The following GRAMD1B variants were observed in gnomAD, a reference collection of about 807,000 sequenced individuals.
GRAMD1B encodes protein Aster-B.
In GRAMD1B, 37 loss-of-function variants were observed where a neutral mutation model predicts 99.7. That is an observed-to-expected ratio of 0.37 (90% CI 0.29 to 0.49). The LOEUF is 0.49. Ranked by LOEUF, GRAMD1B falls within the 20% of genes least tolerant of loss-of-function variation. GRAMD1B has a pLI of 0.98. For missense variants in GRAMD1B, 888 were observed against 1,009.2 expected (o/e 0.88, Z 1.63); for synonymous variants, 427 against 387.6 (o/e 1.10, Z -1.19).
At chr11:123,466,407 GAAGA>G (rs1447781123) in intron 1 of GRAMD1B, among the ~76,000 whole-genome samples, 49 of 140,766 alleles carry the variant, frequency 3.5e-4, no homozygotes, top group Admixed American at 1.2e-3. Context: ...AGAAAGAAAG[GAAGA>G]AAGAAAGAGA....
Position 123,474,539 on chromosome 11 carries a change from A to G in GRAMD1B, c.375-6277A>G, listed in dbSNP as rs147607821. Reference sequence around the variant, plus strand: ...GCAATAAGTCTCCATTTTTCAGGAAATAGGCTAAGGGAGGATAAGTGACTT... The same window carrying G: ...GCAATAAGTCTCCATTTTTCAGGAAGTAGGCTAAGGGAGGATAAGTGACTT... On this transcript the variant is annotated intron_variant, in intron 1 of 19. Transcript: ENST00000635736. Among the ~76,000 whole-genome samples, 1,458 of 152,252 alleles carry G rather than the reference A, an allele frequency of 9.6e-3. 11 individuals are homozygous for G. Among genetic ancestry groups the G allele is most frequent in the Non-Finnish European group, 0.013 (917 of 68,006 alleles).
At chr11:123,502,116 A>G (rs1939928501) in intron 2 of GRAMD1B, among the ~76,000 whole-genome samples, 1 of 152,156 alleles carries the variant, frequency 6.6e-6, no homozygotes, top group African/African-American at 2.4e-5. Context: ...ACTGCCAGGG[A>G]TCCATAAGCA....
intron 1 of GRAMD1B, among the ~76,000 whole-genome samples, chr11:123,377,577 G>T (rs1029832469): frequency 6.6e-6 from 1 of 152,174 alleles, no homozygotes; most frequent in East Asian, 1.9e-4. Context: ...AGACAAGGAG[G>T]CCGGCTGGAA....
intron 2 of GRAMD1B, among the ~76,000 whole-genome samples, chr11:123,493,274 G>A (rs184882847): frequency 1.6e-4 from 25 of 152,294 alleles, no homozygotes; most frequent in Admixed American, 6.5e-4. Context: ...ACTTTATGGA[G>A]CTTGTGGGGA....
At chr11:123,569,088 T>C (rs907754219) in intron 2 of GRAMD1B, among the ~76,000 whole-genome samples, 1 of 151,414 alleles carries the variant, frequency 6.6e-6, no homozygotes, top group African/African-American at 2.4e-5. Context: ...TCCTGCTGTC[T>C]GTTAACTCCT....
chr11:123,403,500 CTTG>C (rs1335333194), intron 1 of GRAMD1B, among the ~76,000 whole-genome samples: 2 of 148,842 alleles, frequency 1.3e-5, no homozygotes, highest in South Asian at 4.2e-4. Flanking sequence ...AATTTCGTCT[CTTG>C]TTGTTAGGCT....
Position 123,397,904 on chromosome 11 carries a change from G to T in GRAMD1B, c.-176+39105G>T, listed in dbSNP as rs147238262. Among the ~76,000 whole-genome samples the T allele has an allele frequency of 7.2e-5, 11 of 152,266 alleles. No homozygotes were observed. In the East Asian group the frequency reaches 2.1e-3, roughly 29 times the overall value. ...GGTTTTGAGATTCATCTACATAGCTGCAAATAACAGTAGCTTGTTCCTTTT... is the reference window on the plus strand; with the variant it reads ...GGTTTTGAGATTCATCTACATAGCTTCAAATAACAGTAGCTTGTTCCTTTT... On this transcript the variant is annotated intron_variant, in intron 1 of 20. Transcript: ENST00000638157.
chr11:123,571,267 C>T (rs1948043682), intron 2 of GRAMD1B, among the ~76,000 whole-genome samples: 1 of 152,132 alleles, frequency 6.6e-6, no homozygotes, highest in South Asian at 2.1e-4. Context: ...CTGCCTTGTG[C>T]CTGCAGGACC....
intron 2 of GRAMD1B, among the ~76,000 whole-genome samples, chr11:123,526,477 A>T (rs1200017256): frequency 6.6e-6 from 1 of 152,212 alleles, no homozygotes; most frequent in Non-Finnish European, 1.5e-5. Flanking sequence ...TGGTGCGCAC[A>T]GAGGGAACTT....
In GRAMD1B at chr11:123,610,126, C is replaced by A; in HGVS notation, c.1777-70C>A. On this transcript the variant is annotated intron_variant, in intron 13 of 19. Transcript: ENST00000635736. The surrounding 1 kb of genome is among the most constrained non-coding windows in gnomAD (Gnocchi z 4.1). ...GTGGGGTGGGGTGGGCTTGGGGAGG[C>A]TGGAGAAGGTGCTTTTCCAAGCTTC... 1 of 1,485,504 alleles carries A rather than the reference C, an allele frequency of 6.7e-7. No individual in the cohort carries two copies. Among genetic ancestry groups the A allele is most frequent in the Non-Finnish European group, 9.3e-7 (1 of 1,074,260 alleles). The allele number at this position is 1,485,504 out of a possible 1,614,324, so 92.0% of individuals were successfully genotyped here.
At chr11:123,530,794 A>T (rs1943276389) in intron 2 of GRAMD1B, among the ~76,000 whole-genome samples, 1 of 152,080 alleles carries the variant, frequency 6.6e-6, no homozygotes, top group South Asian at 2.1e-4. Context: ...TCAGGAGGTG[A>T]GTTGCGGTGA....
Position 123,587,347 on chromosome 11 carries a change from C to T in GRAMD1B, c.684+3015C>T, listed in dbSNP as rs1234183042. ...CTCCCATGCCCAATTATATGTACTCCTCCTTACCCCCGAAGCCCCAGTCTA... is the reference window on the plus strand; with the variant it reads ...CTCCCATGCCCAATTATATGTACTCTTCCTTACCCCCGAAGCCCCAGTCTA... On this transcript the variant is annotated intron_variant, in intron 4 of 19. Coordinates refer to ENST00000635736, the MANE Select transcript of GRAMD1B (RefSeq NM_001387025.1). This position sits in a 1 kb window ranked among gnomAD's most constrained non-coding sequence, Gnocchi z 4.2. 2.6e-5 allele frequency among the ~76,000 whole-genome samples: 4 copies of T among 152,170 alleles called. No homozygotes were observed. Among genetic ancestry groups the T allele is most frequent in the Admixed American group, 6.5e-5 (1 of 15,282 alleles).
At chr11:123,496,403 C>T (rs965710824) in intron 2 of GRAMD1B, among the ~76,000 whole-genome samples, 1 of 151,936 alleles carries the variant, frequency 6.6e-6, no homozygotes, top group Non-Finnish European at 1.5e-5. Flanking sequence ...AAATCCTTGG[C>T]CTTTGGGAAT....
chr11:123,610,274 G>A lies in GRAMD1B; in HGVS notation c.1855G>A (p.Asp619Asn). The change falls in exon 14 of 20, where the codon GAC (aspartate) becomes AAC (asparagine). Residue 619 changes from aspartate (D) to asparagine (N), a missense_variant. This residue lies in a region of GRAMD1B where 92 missense variants were observed against 156.9 expected (regional missense o/e 0.59). Coordinates refer to ENST00000635736, the MANE Select transcript of GRAMD1B (RefSeq NM_001387025.1). This position sits in a 1 kb window ranked among gnomAD's most constrained non-coding sequence, Gnocchi z 4.1. ...EVLTHDVPYH[D>N]YFYTINRYTL... Reference sequence around the variant, plus strand: ...CCTCACCCACGACGTGCCCTACCATGACTACTTCTACACAATCAATCGCTA... The same window carrying A: ...CCTCACCCACGACGTGCCCTACCATAACTACTTCTACACAATCAATCGCTA... The A allele has an allele frequency of 6.2e-7, 1 of 1,613,828 alleles. No individual in the cohort carries two copies. Among genetic ancestry groups the A allele is most frequent in the South Asian group, 1.1e-5 (1 of 91,074 alleles).
intron 1 of GRAMD1B, among the ~76,000 whole-genome samples, chr11:123,454,988 A>G (rs1215522851): frequency 1.3e-5 from 2 of 152,334 alleles, no homozygotes; most frequent in South Asian, 4.1e-4. Flanking sequence ...TTAACTTGTT[A>G]TATCTGAAGG....
intron 19 of GRAMD1B, among the ~76,000 whole-genome samples, chr11:123,620,610 G>A (rs1174131198): frequency 1.3e-5 from 2 of 152,040 alleles, no homozygotes; most frequent in Non-Finnish European, 2.9e-5. Flanking sequence ...AAAGCTTAGT[G>A]AGGAGTTTAG....
At position 123,518,210 on chromosome 11, in the gene GRAMD1B, G is replaced by A. The variant is rs144526123; in HGVS notation, c.452+37317G>A. On this transcript the variant is annotated intron_variant, in intron 2 of 19. Transcript: ENST00000635736. ...TAAGTGCAGCAGCAGAAGGGGTCTC[G>A]TGATCCGGGACACGGGGATGAGCAA... Among the ~76,000 whole-genome samples the A allele has an allele frequency of 6.9e-3, 1,050 of 152,290 alleles. 13 individuals are homozygous for A. Among genetic ancestry groups the A allele is most frequent in the African/African-American group, 0.021 (867 of 41,556 alleles).
intron 2 of GRAMD1B, among the ~76,000 whole-genome samples, chr11:123,522,538 C>T (rs905671890): frequency 6.6e-6 from 1 of 152,036 alleles, no homozygotes; most frequent in Admixed American, 6.6e-5. Context: ...AGGCTGGTTT[C>T]GAACTCCTAA....
At chr11:123,584,926 T>C (rs1435303267) in intron 4 of GRAMD1B, among the ~76,000 whole-genome samples, 1 of 152,112 alleles carries the variant, frequency 6.6e-6, no homozygotes, top group Non-Finnish European at 1.5e-5. Context: ...CTAGAAACTG[T>C]TGTGGGGTAA....
Sources: gnomAD v4.1 joint callset for allele counts (sites outside exome capture counted in the v4.1 genomes callset) on GRCh38, gnomAD v4.1.1 for gene constraint, gnomAD v4.1.1 regional missense constraint, Gnocchi (gnomAD v3.1) non-coding constraint, MANE v1.5 for transcripts, NCBI Gene and HGNC (gene_info 2026-07-23, HGNC 2026-07-21) for gene names.